C6orf89: variants seen among roughly 807,000 people sequenced by gnomAD.
The protein encoded by C6orf89 is chromosome 6 open reading frame 89, also known as bombesin receptor-activated protein C6orf89.
In C6orf89, 29 loss-of-function variants were observed where a neutral mutation model predicts 40.7. That is an observed-to-expected ratio of 0.71 (90% CI 0.53 to 0.97). The LOEUF is 0.97. C6orf89 is among the 50% of genes least tolerant of loss of function. The pLI, the probability that C6orf89 is intolerant of heterozygous loss-of-function variation, is 0.00. For missense variants in C6orf89, 392 were observed against 429.1 expected (o/e 0.91, Z 0.76); for synonymous variants, 165 against 152.2 (o/e 1.08, Z -0.62).
intron 1 of C6orf89, among the ~76,000 whole-genome samples, chr6:36,887,459 G>A (rs939266774): frequency 6.6e-6 from 1 of 152,148 alleles, no homozygotes; most frequent in African/African-American, 2.4e-5. Context: ...CACTATTTAG[G>A]GTGGGAGGTA....
At chr6:36,911,914 C>A (rs1762136728) in intron 4 of C6orf89, among the ~76,000 whole-genome samples, 1 of 142,814 alleles carries the variant, frequency 7.0e-6, no homozygotes, top group African/African-American at 2.6e-5. Flanking sequence ...TTATATTTCA[C>A]TTCTCATCAC....
chr6:36,897,512 G>T (rs1454973537), intron 2 of C6orf89, among the ~76,000 whole-genome samples: 1 of 152,192 alleles, frequency 6.6e-6, no homozygotes, highest in Non-Finnish European at 1.5e-5. Flanking sequence ...CTTTTTATCT[G>T]AATGTGGGGG....
intron 2 of C6orf89, among the ~76,000 whole-genome samples, chr6:36,879,520 C>G (rs957704839): frequency 1.3e-5 from 2 of 152,166 alleles, no homozygotes; most frequent in Non-Finnish European, 2.9e-5. Context: ...GCTTCTCTCT[C>G]TCTGTGCAAA....
chr6:36,884,571 A>G (rs1035403132), upstream of C6orf89, among the ~76,000 whole-genome samples: 3 of 152,268 alleles, frequency 2.0e-5, no homozygotes, highest in African/African-American at 7.2e-5. The surrounding 1 kb of genome is among the most constrained non-coding windows in gnomAD (Gnocchi z 4.0). Flanking sequence ...ATGTGTGACC[A>G]TGAAGGCACC....
intron 2 of C6orf89, 147 bp from the exon 3 acceptor site, chr6:36,899,279 T>C: frequency 1.6e-6 from 1 of 640,390 alleles, no homozygotes; most frequent in Non-Finnish European, 2.7e-6. Flanking sequence ...TGTGTATTCA[T>C]TGTGTTTCAT....
intron 1 of C6orf89, among the ~76,000 whole-genome samples, chr6:36,877,925 A>C (rs1429107805): frequency 1.3e-5 from 2 of 152,248 alleles, no homozygotes; most frequent in Non-Finnish European, 1.5e-5. Context: ...CCTGGACAGA[A>C]TATAACACTG....
chr6:36,901,872 C>T (rs1220982258), intron 3 of C6orf89, among the ~76,000 whole-genome samples: 1 of 151,344 alleles, frequency 6.6e-6, no homozygotes, highest in Non-Finnish European at 1.5e-5. Context: ...GGGGTTTCAC[C>T]GTGTTAGCCA....
At chr6:36,909,989 A>G (rs1762068149) in intron 4 of C6orf89, among the ~76,000 whole-genome samples, 1 of 152,186 alleles carries the variant, frequency 6.6e-6, no homozygotes, top group African/African-American at 2.4e-5. Flanking sequence ...TACTGTTTTT[A>G]TATCCATTTC....
intron 1 of C6orf89, among the ~76,000 whole-genome samples, chr6:36,878,524 G>A (rs1233233755): frequency 6.6e-6 from 1 of 152,174 alleles, no homozygotes; most frequent in East Asian, 1.9e-4. Flanking sequence ...TATGCCATAG[G>A]GTTGATGAAG....
chr6:36,875,573 A>G (rs1008081119), intron 1 of C6orf89, among the ~76,000 whole-genome samples: 1 of 152,276 alleles, frequency 6.6e-6, no homozygotes, highest in Non-Finnish European at 1.5e-5. Context: ...ACAGAAGCAA[A>G]TTAGAGGAGC....
intron 1 of C6orf89, among the ~76,000 whole-genome samples, chr6:36,888,121 T>C (rs1248905749): frequency 6.6e-6 from 1 of 152,204 alleles, no homozygotes; most frequent in Non-Finnish European, 1.5e-5. Context: ...AAATAAAACA[T>C]TGTGGGGTAG....
intron 4 of C6orf89, among the ~76,000 whole-genome samples, chr6:36,910,391 T>G (rs1158482025): frequency 6.6e-6 from 1 of 152,220 alleles, no homozygotes; most frequent in Non-Finnish European, 1.5e-5. Flanking sequence ...CCCAATTTGA[T>G]TTATTGAATC....
intron 1 of C6orf89, 70 bp from the exon 2 acceptor site, chr6:36,894,434 C>G: frequency 1.5e-6 from 1 of 648,966 alleles, no homozygotes; most frequent in Non-Finnish European, 1.9e-6. Context: ...AATGGCATCT[C>G]AGAATCACTG....
rs755549469 is a variant in C6orf89 at position 36,874,763 on chromosome 6, T to C, written c.-628+2796T>C. ...GGTGGCTGCCAGGAATCTGGGGGAATTGCCGCCATAGCGAAGCCGGCGGCG... is the reference window on the plus strand; with the variant it reads ...GGTGGCTGCCAGGAATCTGGGGGAACTGCCGCCATAGCGAAGCCGGCGGCG... On this transcript the variant is annotated intron_variant, in intron 1 of 9. Coordinates refer to the C6orf89 transcript ENST00000359359. 5.0e-6 allele frequency: 8 copies of C among 1,613,984 alleles called. No homozygotes were observed. In the East Asian group the frequency reaches 8.9e-5, roughly 18 times the overall value.
In C6orf89 at chr6:36,902,226, C is replaced by T. The variant is rs371442209; in HGVS notation, c.195C>T (p.Leu65=). The change falls in exon 4 of 9, where the codon CTC becomes CTT. Residue 65 remains leucine (L), a synonymous_variant. Coordinates refer to ENST00000480824, the MANE Select transcript of C6orf89 (RefSeq NM_001286635.2). The part of the protein sequence containing the change: ...YPLLIVVYKV[L]ATLGLILLTA... ...TTTTCTATCTTTCCTTGTAGGTTCT[C>T]GCAACCTTGGGATTAATCTTGCTCA... 66 of 1,613,776 alleles carry T rather than the reference C, an allele frequency of 4.1e-5. 1 individual carries two copies. The South Asian group carries it at 4.5e-4, about 11-fold the overall frequency.
At chr6:36,874,312 T>C (rs1774587569) in intron 1 of C6orf89, among the ~76,000 whole-genome samples, 1 of 152,346 alleles carries the variant, frequency 6.6e-6, no homozygotes, top group Non-Finnish European at 1.5e-5. Context: ...CTGTATTACT[T>C]ATCACGTAAT....
rs764069487 is a variant in C6orf89 at position 36,874,673 on chromosome 6, C to G, written c.-628+2706C>G. ...ACGCAGACCCGTGGTGAGGCCCGGG[C>G]TCCGCGTCTCCTCTGCCAGCCCCAG... On this transcript the variant is annotated intron_variant, in intron 1 of 9. Coordinates refer to the C6orf89 transcript ENST00000359359. 9 of 1,605,228 alleles carry G rather than the reference C, an allele frequency of 5.6e-6. No individual in the cohort carries two copies. In the South Asian group the frequency reaches 9.9e-5, roughly 18 times the overall value.
At chr6:36,914,141 CAG>C in intron 4 of C6orf89, 141 bp from the exon 5 acceptor site, 1 of 792,796 alleles carries the variant, frequency 1.3e-6, no homozygotes, top group South Asian at 2.0e-5. Flanking sequence ...GCCTGGGCGA[CAG>C]AGTGAGACTC....
intron 1 of C6orf89, among the ~76,000 whole-genome samples, chr6:36,891,922 A>C (rs528481196): frequency 6.6e-6 from 1 of 152,354 alleles, no homozygotes; most frequent in South Asian, 2.1e-4. Context: ...GGGTAATGGC[A>C]TATCAGTGTT....
Sources: gnomAD v4.1 joint callset for allele counts (sites outside exome capture counted in the v4.1 genomes callset) on GRCh38, gnomAD v4.1.1 for gene constraint, Gnocchi (gnomAD v3.1) non-coding constraint, MANE v1.5 for transcripts, NCBI Gene and HGNC (gene_info 2026-07-23, HGNC 2026-07-21) for gene names.